Variants in SLC25A48 observed in about 807,000 individuals in gnomAD.
The protein encoded by SLC25A48 is solute carrier family 25 member 48.
Under a neutral mutation model 32.2 loss-of-function variants are expected in SLC25A48, and 29 were observed. That is an observed-to-expected ratio of 0.90 (90% confidence interval 0.67 to 1.23). The LOEUF (loss-of-function observed/expected upper bound fraction) is 1.23. SLC25A48 is among the 50% of genes most tolerant of loss of function. The probability of loss-of-function intolerance (pLI) is 0.00; values close to 1 mark genes in which losing one functional copy is unlikely to be tolerated. For missense variants in SLC25A48, 399 were observed against 422.7 expected, an observed-to-expected ratio of 0.94 and a Z score of 0.49; for synonymous variants, 164 against 172.3, an observed-to-expected ratio of 0.95 and a Z score of 0.38.
intron 3 of SLC25A48, among the ~76,000 whole-genome samples, chr5:135,805,815 T>C (rs1757451247): frequency 6.6e-6 from 1 of 151,654 alleles, no homozygotes; most frequent in Admixed American, 6.6e-5. Flanking sequence ...TGTTATTATT[T>C]GTAATATTTT....
At chr5:135,773,098 G>T (rs1405967213) in intron 3 of SLC25A48, among the ~76,000 whole-genome samples, 1 of 150,462 alleles carries the variant, frequency 6.6e-6, no homozygotes, top group Non-Finnish European at 1.5e-5. Flanking sequence ...TCTCAATATC[G>T]CAGGGGGTGT....
chr5:135,659,305 A>C (rs1453933647), intron 3 of SLC25A48, among the ~76,000 whole-genome samples: 1 of 152,220 alleles, frequency 6.6e-6, no homozygotes, highest in African/African-American at 2.4e-5. Flanking sequence ...TCTCTAAAGC[A>C]GGGGCACAAT....
intron 3 of SLC25A48, among the ~76,000 whole-genome samples, chr5:135,689,538 T>G (rs1187166590): frequency 2.0e-5 from 3 of 152,214 alleles, no homozygotes; most frequent in Non-Finnish European, 4.4e-5. Flanking sequence ...TCAAATGCTA[T>G]ATCACAGAGT....
intron 3 of SLC25A48, among the ~76,000 whole-genome samples, chr5:135,637,434 G>A (rs1390560950): frequency 6.6e-6 from 1 of 152,172 alleles, no homozygotes; most frequent in African/African-American, 2.4e-5. Flanking sequence ...AAAAGAGAAA[G>A]ATGTTACCAA....
intron 3 of SLC25A48, among the ~76,000 whole-genome samples, chr5:135,754,301 ATATG>A (rs1755842659): frequency 1.7e-5 from 1 of 57,288 alleles, no homozygotes; most frequent in Non-Finnish European, 6.5e-5. Flanking sequence ...ACTACATATG[ATATG>A]ATAAATGCCA....
intron 3 of SLC25A48, among the ~76,000 whole-genome samples, chr5:135,748,065 G>C (rs1358225747): frequency 6.6e-6 from 1 of 152,188 alleles, no homozygotes; most frequent in African/African-American, 2.4e-5. Flanking sequence ...AGGAGAAGAA[G>C]AACAGAGTGA....
chr5:135,612,829 A>G (rs902415269), intron 1 of SLC25A48, among the ~76,000 whole-genome samples: 3 of 152,140 alleles, frequency 2.0e-5, no homozygotes, highest in African/African-American at 7.2e-5. Flanking sequence ...CCATTGATGG[A>G]CCTTAGATTG....
chr5:135,694,914 T>C (rs1028912629), intron 3 of SLC25A48, among the ~76,000 whole-genome samples: 1 of 152,212 alleles, frequency 6.6e-6, no homozygotes, highest in Non-Finnish European at 1.5e-5. Flanking sequence ...AATTTAATTC[T>C]TCAAAGGCTT....
At chr5:135,800,176 T>TG (rs546471381) in intron 3 of SLC25A48, among the ~76,000 whole-genome samples, 115 of 151,418 alleles carry the variant, frequency 7.6e-4, no homozygotes, top group African/African-American at 2.7e-3. Context: ...TAATGTCCAG[T>TG]GGGGGATAGA....
intron 3 of SLC25A48, among the ~76,000 whole-genome samples, chr5:135,722,825 G>A (rs943247924): frequency 6.6e-6 from 1 of 152,240 alleles, no homozygotes; most frequent in Non-Finnish European, 1.5e-5. Flanking sequence ...CTTGTCCCTG[G>A]TGTCCGGTCA....
At chr5:135,719,087 G>A (rs1754885409) in intron 3 of SLC25A48, among the ~76,000 whole-genome samples, 2 of 152,146 alleles carry the variant, frequency 1.3e-5, no homozygotes, top group African/African-American at 2.4e-5. Context: ...CTGGGTAAAG[G>A]GTACACAGGA....
chr5:135,801,157 G>A (rs961347857), intron 3 of SLC25A48, among the ~76,000 whole-genome samples: 13 of 150,932 alleles, frequency 8.6e-5, no homozygotes, highest in African/African-American at 3.2e-4. Context: ...ATCACAGAAG[G>A]TGTATACCCT....
At chr5:135,670,783 G>C (rs2126941858) in intron 3 of SLC25A48, among the ~76,000 whole-genome samples, 1 of 152,300 alleles carries the variant, frequency 6.6e-6, no homozygotes, top group African/African-American at 2.4e-5. Context: ...GACGCTCTTT[G>C]CCTGTCTCTG....
At chr5:135,851,216 G>T (rs1291214005) in intron 3 of SLC25A48, among the ~76,000 whole-genome samples, 1 of 152,180 alleles carries the variant, frequency 6.6e-6, no homozygotes, top group Non-Finnish European at 1.5e-5. Flanking sequence ...GTGTCCTGGG[G>T]CTCGGAAGCC....
chr5:135,861,075 C>T (rs1157623675), intron 4 of SLC25A48, among the ~76,000 whole-genome samples: 1 of 152,074 alleles, frequency 6.6e-6, no homozygotes, highest in African/African-American at 2.4e-5. Flanking sequence ...GTAGAAAGTG[C>T]CCATTCATGC....
At chr5:135,695,694 C>T (rs1189128268) in intron 3 of SLC25A48, among the ~76,000 whole-genome samples, 1 of 152,232 alleles carries the variant, frequency 6.6e-6, no homozygotes, top group Non-Finnish European at 1.5e-5. Flanking sequence ...CTGGAGGCGG[C>T]TGTGTTTCTT....
chr5:135,736,077 G>C (rs534680260), intron 3 of SLC25A48, among the ~76,000 whole-genome samples: 1 of 152,218 alleles, frequency 6.6e-6, no homozygotes, highest in South Asian at 2.1e-4. Flanking sequence ...GCCTGGGGAG[G>C]AGGGGAGAGG....
intron 6 of SLC25A48, chr5:135,874,956 C>G (rs1761936942): frequency 2.4e-6 from 1 of 413,798 alleles, no homozygotes; most frequent in Admixed American, 4.4e-5. Context: ...TCCAAGCAAG[C>G]AGCTTCATGT....
intron 3 of SLC25A48, among the ~76,000 whole-genome samples, chr5:135,714,193 C>T (rs1467132903): frequency 6.6e-6 from 1 of 152,106 alleles, no homozygotes; most frequent in African/African-American, 2.4e-5. Flanking sequence ...GTTGGCATGC[C>T]CCTGTTGGGA....
Sources: gnomAD v4.1 joint callset for allele counts (sites outside exome capture counted in the v4.1 genomes callset) on GRCh38, gnomAD v4.1.1 for gene constraint, MANE v1.5 for transcripts, NCBI Gene and HGNC (gene_info 2026-07-23, HGNC 2026-07-21) for gene names.